Variants in BCO1 observed in about 807,000 individuals in gnomAD.
BCO1 encodes beta-carotene oxygenase 1, also known as beta,beta-carotene 15,15'-dioxygenase.
BCO1 carries 54 observed loss-of-function variants against 56.3 expected under a neutral mutation model. That is an observed-to-expected ratio of 0.96 (90% CI 0.77 to 1.20). The LOEUF is 1.20. Ranked by LOEUF, BCO1 falls within the 50% of genes most tolerant of loss-of-function variation. The probability of loss-of-function intolerance (pLI) is 0.00; values close to 1 mark genes in which losing one functional copy is unlikely to be tolerated. For synonymous variants in BCO1, 318 were observed against 266.1 expected (o/e 1.20, Z -1.90); for missense variants, 801 against 690.9 (o/e 1.16, Z -1.79).
At chr16:81,278,182 C>A (rs1907668420) in intron 7 of BCO1, among the ~76,000 whole-genome samples, 1 of 152,142 alleles carries the variant, frequency 6.6e-6, no homozygotes, top group Non-Finnish European at 1.5e-5. Flanking sequence ...GCTGGGACTA[C>A]AGGCATGTGC....
rs56069135 is a variant in BCO1 at position 81,251,874 on chromosome 16, A to ATGTGTGTGTGTG, written c.193+6277_193+6288dup. On this transcript the variant is annotated intron_variant, in intron 2 of 10. Transcript: ENST00000258168. ...CACGCACACACACACACACACATATATGTGTGTGTGTGTGTGTATATATAT... is the reference window on the plus strand; with the variant it reads ...CACGCACACACACACACACACATATATGTGTGTGTGTGTGTGTGTGTGTGTGTGTATATATAT... Among the ~76,000 whole-genome samples the ATGTGTGTGTGTG allele has an allele frequency of 4.9e-3, 724 of 146,732 alleles. 4 individuals carry two copies. Among genetic ancestry groups the ATGTGTGTGTGTG allele is most frequent in the African/African-American group, 0.018 (691 of 38,888 alleles).
At chr16:81,283,583 C>T (rs571166712) in intron 8 of BCO1, among the ~76,000 whole-genome samples, 19 of 152,198 alleles carry the variant, frequency 1.2e-4, no homozygotes, top group African/African-American at 4.6e-4. Context: ...CAGGCACCTT[C>T]TTCTTATCTA....
chr16:81,248,518 A>C (rs1179596737), intron 2 of BCO1, among the ~76,000 whole-genome samples: 1 of 152,076 alleles, frequency 6.6e-6, no homozygotes, highest in Non-Finnish European at 1.5e-5. Flanking sequence ...TTTACACATG[A>C]ATAGAGACAC....
Position 81,270,146 on chromosome 16 carries a change from T to A in BCO1, c.844-13T>A. On this transcript the variant is annotated splice_polypyrimidine_tract_variant and intron_variant, in intron 6 of 10. Transcript: ENST00000258168. ...GAGGGTGAGCTGAGCCCTTGATATG[T>A]GTCCTTTTTCAGACTTATATCCACA... 2 of 1,614,074 alleles carry A rather than the reference T, an allele frequency of 1.2e-6. No homozygotes were observed. Among genetic ancestry groups the A allele is most frequent in the Non-Finnish European group, 1.7e-6 (2 of 1,180,014 alleles).
At chr16:81,257,638 G>A (rs1228707688) in intron 2 of BCO1, among the ~76,000 whole-genome samples, 1 of 151,776 alleles carries the variant, frequency 6.6e-6, no homozygotes, top group Non-Finnish European at 1.5e-5. Flanking sequence ...CACTTTGGGA[G>A]GCCGAGGCAG....
At chr16:81,268,707 G>A (rs576662767) in intron 6 of BCO1, among the ~76,000 whole-genome samples, 2 of 152,266 alleles carry the variant, frequency 1.3e-5, no homozygotes, top group South Asian at 2.1e-4. Flanking sequence ...GTGCATATGT[G>A]TATGAATACA....
intron 2 of BCO1, among the ~76,000 whole-genome samples, chr16:81,258,447 A>T (rs1906281525): frequency 6.6e-6 from 1 of 152,234 alleles, no homozygotes; most frequent in South Asian, 2.1e-4. Flanking sequence ...TGTGTTCAAT[A>T]TCAAACGTTA....
intron 4 of BCO1, chr16:81,262,554 G>A (rs1427101032): frequency 9.5e-6 from 4 of 422,530 alleles, no homozygotes; most frequent in Non-Finnish European, 1.8e-5. Flanking sequence ...TTGGCTGGGT[G>A]TGGTGACCTA....
chr16:81,271,921 A>G (rs1907241507), intron 7 of BCO1, among the ~76,000 whole-genome samples: 1 of 151,326 alleles, frequency 6.6e-6, no homozygotes, highest in Admixed American at 6.6e-5. Context: ...AAGTTTTTGT[A>G]TTTTTAGTAG....
chr16:81,267,988 A>T lies in BCO1; in HGVS notation c.700A>T (p.Ser234Cys). The T allele has an allele frequency of 6.2e-7, 1 of 1,613,932 alleles. No homozygotes were observed. The highest frequency in any genetic ancestry group is 8.5e-7 in the Non-Finnish European group (1 of 1,180,012). Reference protein sequence around the residue: ...SIPSRSLLSPSYYHSFGVTEN... With the variant: ...SIPSRSLLSPCYYHSFGVTEN... Reference sequence around the variant, plus strand: ...CCCATCCCGCTCCCTGCTCTCCCCAAGCTACTACCACAGCTTTGGAGTCAC... The same window carrying T: ...CCCATCCCGCTCCCTGCTCTCCCCATGCTACTACCACAGCTTTGGAGTCAC... Residue 234 changes from serine (S) to cysteine (C), a missense_variant, in exon 6 of 11, where the codon AGC (serine) becomes TGC (cysteine). Transcript: ENST00000258168.
chr16:81,287,228 C>A, intron 9 of BCO1, 67 bp from the exon 10 acceptor site: 1 of 1,203,910 alleles, frequency 8.3e-7, no homozygotes, highest in South Asian at 1.2e-5. Flanking sequence ...TTCATGCACT[C>A]CTATTTGCAG....
At chr16:81,276,351 C>T (rs1330752459) in intron 7 of BCO1, among the ~76,000 whole-genome samples, 1 of 152,218 alleles carries the variant, frequency 6.6e-6, no homozygotes, top group Non-Finnish European at 1.5e-5. Context: ...TCCACCCCCA[C>T]CCCAACCATG....
Position 81,245,670 on chromosome 16 carries a change from A to C in BCO1, c.193+67A>C, listed in dbSNP as rs1408632152. ...GACCCCAAATGCAGTGCCTTAAAAC[A>C]GCACAAATTTATTCTTTTAGGGATT... On this transcript the variant is annotated intron_variant, in intron 2 of 10. Coordinates refer to ENST00000258168, the MANE Select transcript of BCO1 (RefSeq NM_017429.3). 1.9e-6 allele frequency: 3 copies of C among 1,600,038 alleles called. No individual in the cohort carries two copies. The African/African-American group carries it at 4.0e-5, about 21-fold the overall frequency.
intron 7 of BCO1, among the ~76,000 whole-genome samples, 164 bp downstream of exon 7, chr16:81,270,580 A>G (rs1216496527): frequency 6.6e-6 from 1 of 152,054 alleles, no homozygotes; most frequent in Non-Finnish European, 1.5e-5. Context: ...TTCATAATAA[A>G]AACTTTAGAA....
chr16:81,250,698 G>A (rs748493437), intron 2 of BCO1, among the ~76,000 whole-genome samples: 6 of 149,276 alleles, frequency 4.0e-5, no homozygotes, highest in Admixed American at 2.7e-4. Flanking sequence ...CTCGTGCCTC[G>A]GCCTCTGGAG....
At chr16:81,261,095 G>A (rs1906455995) in intron 3 of BCO1, among the ~76,000 whole-genome samples, 1 of 152,178 alleles carries the variant, frequency 6.6e-6, no homozygotes, top group Non-Finnish European at 1.5e-5. Flanking sequence ...GTGTGGAGTA[G>A]GAGCCAGTGA....
intron 1 of BCO1, among the ~76,000 whole-genome samples, chr16:81,244,634 C>A (rs528610388): frequency 1.3e-5 from 2 of 152,152 alleles, no homozygotes; most frequent in East Asian, 3.9e-4. Context: ...AGGAAGCTGA[C>A]CACACCCTCC....
rs1906921714 is a variant in BCO1 at position 81,267,820 on chromosome 16, C to A, written c.620-88C>A. On this transcript the variant is annotated intron_variant, in intron 5 of 10. Coordinates refer to ENST00000258168, the MANE Select transcript of BCO1 (RefSeq NM_017429.3). ...TAATGTAAAGGTTTTTTTCAGCAAT[C>A]AAGTCAGTTTGTAGGTGATGGTGGT... 6.1e-6 allele frequency: 7 copies of A among 1,142,342 alleles called. No homozygotes were observed. In the South Asian group the frequency reaches 6.3e-5, roughly 10 times the overall value. The allele number at this position is 1,142,342 out of a possible 1,614,324, so 70.8% of individuals were successfully genotyped here. A position where few individuals can be genotyped will look rare whatever the true frequency, so the allele number is the denominator to read the frequency against.
At chr16:81,283,085 T>C (rs1274224819) in intron 8 of BCO1, among the ~76,000 whole-genome samples, 5 of 152,174 alleles carry the variant, frequency 3.3e-5, no homozygotes, top group African/African-American at 7.2e-5. Context: ...CCAGAGCCCA[T>C]TGCCTCTGCA....
Sources: gnomAD v4.1 joint callset for allele counts (sites outside exome capture counted in the v4.1 genomes callset) on GRCh38, gnomAD v4.1.1 for gene constraint, MANE v1.5 for transcripts, NCBI Gene and HGNC (gene_info 2026-07-23, HGNC 2026-07-21) for gene names.